Variants in CDKAL1 observed in about 807,000 individuals in gnomAD.
The protein encoded by CDKAL1 is CDKAL1 threonylcarbamoyladenosine tRNA methylthiotransferase.
In CDKAL1, 32 loss-of-function variants were observed where a neutral mutation model predicts 68.2. The ratio of observed to expected loss-of-function variants is 0.47; its 90% confidence interval spans 0.35 to 0.63. The LOEUF is 0.63. Ranked by LOEUF, CDKAL1 falls within the 30% of genes least tolerant of loss-of-function variation. The pLI, the probability that CDKAL1 is intolerant of heterozygous loss-of-function variation, is 0.00. For missense variants in CDKAL1, 606 were observed against 696.7 expected, an observed-to-expected ratio of 0.87 and a Z score of 1.47; for synonymous variants, 234 against 244.3, an observed-to-expected ratio of 0.96 and a Z score of 0.39.
At chr6:21,193,567 T>G (rs1778345220) in intron 13 of CDKAL1, among the ~76,000 whole-genome samples, 1 of 152,216 alleles carries the variant, frequency 6.6e-6, no homozygotes, top group South Asian at 2.1e-4. Context: ...GCCCAAAACA[T>G]AGTCAGGTCT....
At chr6:20,876,604 G>A (rs568581757) in intron 9 of CDKAL1, among the ~76,000 whole-genome samples, 34 of 152,208 alleles carry the variant, frequency 2.2e-4, no homozygotes, top group African/African-American at 7.5e-4. Flanking sequence ...GAGCATGCAG[G>A]AGACAGGGAT....
chr6:20,815,537 T>C (rs1777008270), intron 8 of CDKAL1, among the ~76,000 whole-genome samples: 1 of 152,128 alleles, frequency 6.6e-6, no homozygotes, highest in Non-Finnish European at 1.5e-5. Flanking sequence ...TTTTTGATGG[T>C]TATCTGTTTT....
At chr6:20,583,986 A>G (rs2127692472) in intron 4 of CDKAL1, among the ~76,000 whole-genome samples, 1 of 152,144 alleles carries the variant, frequency 6.6e-6, no homozygotes, top group Non-Finnish European at 1.5e-5. Flanking sequence ...TTCAGATTAC[A>G]GGATCTGGAT....
chr6:20,552,750 A>G (rs994493756), intron 4 of CDKAL1, among the ~76,000 whole-genome samples: 4 of 152,026 alleles, frequency 2.6e-5, no homozygotes, highest in African/African-American at 9.7e-5. Context: ...CCTGGCTTGC[A>G]TGCAGCAGAC....
intron 11 of CDKAL1, among the ~76,000 whole-genome samples, chr6:21,022,361 G>C (rs1768713349): frequency 6.6e-6 from 1 of 152,174 alleles, no homozygotes; most frequent in African/African-American, 2.4e-5. Flanking sequence ...TGCAGTGCAG[G>C]GGGTAAATTA....
intron 8 of CDKAL1, among the ~76,000 whole-genome samples, chr6:20,802,312 CAACAAT>C (rs1400311971): frequency 1.0e-5 from 1 of 99,690 alleles, no homozygotes; most frequent in African/African-American, 3.5e-5. Flanking sequence ...ACAACAACAA[CAACAAT>C]AATAATAATA....
chr6:20,540,077 C>CTTTTTTTTTTT (rs71538791), intron 2 of CDKAL1, among the ~76,000 whole-genome samples: 7,018 of 130,280 alleles, frequency 0.054, 503 homozygotes, highest in African/African-American at 0.1. Flanking sequence ...TTGGGATTGT[C>CTTTTTTTTTTT]TTTTTTTTTT....
intron 11 of CDKAL1, among the ~76,000 whole-genome samples, chr6:21,017,659 A>G (rs1048036684): frequency 6.6e-6 from 1 of 152,238 alleles, no homozygotes; most frequent in South Asian, 2.1e-4. Context: ...CTAGCTCTGG[A>G]TTGTCTAATT....
At chr6:21,012,457 C>T (rs969244345) in intron 11 of CDKAL1, among the ~76,000 whole-genome samples, 10 of 152,114 alleles carry the variant, frequency 6.6e-5, no homozygotes, top group Admixed American at 3.3e-4. Flanking sequence ...GATGCTCTGT[C>T]CTTTTCAGGA....
intron 13 of CDKAL1, among the ~76,000 whole-genome samples, chr6:21,191,242 G>A (rs1286060548): frequency 2.0e-5 from 3 of 152,160 alleles, no homozygotes; most frequent in African/African-American, 7.2e-5. Flanking sequence ...TGTACTTGAG[G>A]ACCATTCATT....
chr6:21,081,542 C>G (rs1772400097), intron 12 of CDKAL1, among the ~76,000 whole-genome samples: 1 of 150,054 alleles, frequency 6.7e-6, no homozygotes, highest in South Asian at 2.1e-4. Flanking sequence ...GGAGTAACTT[C>G]TAAAGATAAA....
At position 21,200,181 on chromosome 6, in the gene CDKAL1, C is replaced by T. The variant is rs144085462; in HGVS notation, c.1384-929C>T. Among the ~76,000 whole-genome samples the T allele has an allele frequency of 6.1e-4, 93 of 152,342 alleles. 1 individual carries two copies. Among genetic ancestry groups the T allele is most frequent in the African/African-American group, 2.2e-3 (90 of 41,582 alleles). ...AAGTGTAAGGGAGACATCACACACA[C>T]AAGCTACCTGTGGGTCCCAAAGGAA... On this transcript the variant is annotated intron_variant, in intron 14 of 15. Transcript: ENST00000274695.
chr6:20,730,666 A>G (rs1217363860), intron 5 of CDKAL1, among the ~76,000 whole-genome samples: 1 of 151,594 alleles, frequency 6.6e-6, no homozygotes, highest in East Asian at 2.0e-4. Flanking sequence ...CCAACATGGT[A>G]AAACCCCGTC....
In CDKAL1 at chr6:20,788,103, A is replaced by G. The variant is rs547622592; in HGVS notation, c.638+6838A>G. Among the ~76,000 whole-genome samples, 60 of 152,330 alleles carry G rather than the reference A, an allele frequency of 3.9e-4. 1 individual carries two copies. The highest frequency in any genetic ancestry group is 1.8e-3 in the Admixed American group (28 of 15,306). ...GTTGACCAGTACTTTCAAAAATGGAAACTTATTATTTACATGCTAATTAGC... is the reference window on the plus strand; with the variant it reads ...GTTGACCAGTACTTTCAAAAATGGAGACTTATTATTTACATGCTAATTAGC... On this transcript the variant is annotated intron_variant, in intron 8 of 15. Transcript: ENST00000274695.
At chr6:20,905,769 C>T (rs1005232470) in intron 9 of CDKAL1, among the ~76,000 whole-genome samples, 5 of 152,110 alleles carry the variant, frequency 3.3e-5, no homozygotes. Context: ...AGCCCAGAAG[C>T]CAGTGGGCCA....
chr6:20,975,705 A>C (rs971583112), intron 10 of CDKAL1, among the ~76,000 whole-genome samples: 30 of 152,262 alleles, frequency 2.0e-4, no homozygotes, highest in African/African-American at 7.2e-4. Flanking sequence ...ATGGCTAAGC[A>C]TGGACAAAAT....
chr6:20,921,708 T>C (rs542657710), intron 9 of CDKAL1, among the ~76,000 whole-genome samples: 2 of 152,330 alleles, frequency 1.3e-5, no homozygotes, highest in African/African-American at 2.4e-5. Context: ...CAGTAACTAC[T>C]AAGAATCACT....
intron 9 of CDKAL1, among the ~76,000 whole-genome samples, chr6:20,945,247 G>A (rs1346919806): frequency 2.0e-5 from 3 of 151,994 alleles, no homozygotes; most frequent in African/African-American, 7.3e-5. Flanking sequence ...TTTTTTGAGT[G>A]CCAACATGAC....
At chr6:20,954,827 A>G (rs545883436) in intron 9 of CDKAL1, among the ~76,000 whole-genome samples, 48 of 152,356 alleles carry the variant, frequency 3.2e-4, no homozygotes, top group Admixed American at 2.1e-3. Context: ...CAGGTTTTCC[A>G]ACACAAACAC....
Sources: gnomAD v4.1 joint callset for allele counts (sites outside exome capture counted in the v4.1 genomes callset) on GRCh38, gnomAD v4.1.1 for gene constraint, MANE v1.5 for transcripts, NCBI Gene and HGNC (gene_info 2026-07-23, HGNC 2026-07-21) for gene names.